The following LRP1B variants were observed in gnomAD, a reference collection of about 807,000 sequenced individuals.
LRP1B encodes the protein low-density lipoprotein receptor-related protein 1B.
In LRP1B, 217 loss-of-function variants were observed where a neutral mutation model predicts 556.6. That is an observed-to-expected ratio of 0.39 (90% CI 0.35 to 0.44). LRP1B has a LOEUF of 0.44. Ranked by LOEUF, LRP1B falls within the 20% of genes least tolerant of loss-of-function variation. LRP1B has a pLI of 1.00. For missense variants in LRP1B, 5,053 were observed against 5,620.8 expected (o/e 0.90, Z 3.23); for synonymous variants, 2,047 against 1,865.8 (o/e 1.10, Z -2.50).
chr2:140,874,981 G>T (rs1693260713), intron 25 of LRP1B, among the ~76,000 whole-genome samples: 1 of 150,952 alleles, frequency 6.6e-6, no homozygotes, highest in African/African-American at 2.4e-5. Context: ...TCGTGCCATT[G>T]CCCTATACCC....
intron 7 of LRP1B, among the ~76,000 whole-genome samples, chr2:141,089,304 C>G (rs1168369810): frequency 6.6e-6 from 1 of 152,166 alleles, no homozygotes; most frequent in Admixed American, 6.5e-5. Flanking sequence ...TATCAAATTC[C>G]ATTCCTTTTC....
At chr2:140,406,942 A>G (rs777715607) in intron 66 of LRP1B, among the ~76,000 whole-genome samples, 4 of 152,188 alleles carry the variant, frequency 2.6e-5, no homozygotes, top group Admixed American at 1.3e-4. Context: ...ACTTCAAATC[A>G]TATTGCAAGG....
chr2:140,944,154 A>G (rs969741115), intron 20 of LRP1B, among the ~76,000 whole-genome samples: 12 of 152,266 alleles, frequency 7.9e-5, no homozygotes, highest in Middle Eastern at 6.8e-3. Context: ...CTGTGTGTAC[A>G]AACTAGAAAA....
rs2105001160 is a variant in LRP1B at position 140,297,942 on chromosome 2, C to T, written c.12833G>A (p.Gly4278Asp). ...LGRPTCSCAL[G>D]FTGPNCGKTV... ...CTTACCACAGTTTGGCCCAGTGAAA[C>T]CCAGTGCACAGCTGCAGGTGGGTCT... The change falls in exon 84 of 91, where the codon GGT (glycine) becomes GAT (aspartate). Residue 4278 changes from glycine to aspartate, a missense_variant. Physicochemically the swap from Gly to Asp is moderately conservative, Grantham distance 94 (BLOSUM62 -1). Around this residue, in one of 5 missense-constraint regions of LRP1B, gnomAD observed 551 missense variants for 592.0 expected, o/e 0.93. Transcript: ENST00000389484. The T allele has an allele frequency of 6.2e-7, 1 of 1,612,898 alleles. No homozygotes were observed. The highest frequency in any genetic ancestry group is 8.5e-7 in the Non-Finnish European group (1 of 1,179,126).
chr2:141,632,190 C>T (rs1688939313), intron 2 of LRP1B, among the ~76,000 whole-genome samples: 1 of 152,042 alleles, frequency 6.6e-6, no homozygotes, highest in Non-Finnish European at 1.5e-5. Context: ...TCCCAAAGTG[C>T]TGGGGTAACA....
intron 1 of LRP1B, among the ~76,000 whole-genome samples, chr2:141,939,054 T>C (rs1700717274): frequency 6.6e-6 from 1 of 152,024 alleles, no homozygotes; most frequent in African/African-American, 2.4e-5. Flanking sequence ...ATAGAATGAT[T>C]AAGTCTAGAG....
rs868017126 is a variant in LRP1B at position 140,875,350 on chromosome 2, T to C, written c.4170-7087A>G. 6.6e-5 allele frequency among the ~76,000 whole-genome samples: 10 copies of C among 152,218 alleles called. 1 individual carries two copies. In the South Asian group the frequency reaches 8.3e-4, roughly 13 times the overall value. ...GGGTTTTCTTGAAGCATTAGTTAAC[T>C]ACTTAATAAAGGTTATAAAAGGCTT... On this transcript the variant is annotated intron_variant, in intron 25 of 90. Coordinates refer to ENST00000389484, the MANE Select transcript of LRP1B (RefSeq NM_018557.3).
chr2:141,519,402 T>TATA (rs1559118193), intron 2 of LRP1B, among the ~76,000 whole-genome samples: 1 of 29,876 alleles, frequency 3.3e-5, no homozygotes, highest in Non-Finnish European at 7.1e-5. Context: ...TATATATATA[T>TATA]GAAATGCAAT....
At chr2:141,902,871 A>T (rs1699659906) in intron 1 of LRP1B, among the ~76,000 whole-genome samples, 1 of 152,144 alleles carries the variant, frequency 6.6e-6, no homozygotes, top group South Asian at 2.1e-4. Context: ...AAAGAAAAAA[A>T]TATATTTTTA....
chr2:142,017,722 T>C lies in LRP1B; in HGVS notation c.82+112926A>G, dbSNP rs7581094. On this transcript the variant is annotated intron_variant, in intron 1 of 90. Transcript: ENST00000389484. ...TCAACACAGTGGGACCCTGTCTCTA[T>C]AAAAGTTTTAAAAACTTAGCCGGGC... Among the ~76,000 whole-genome samples the C allele has an allele frequency of 4.9e-3, 748 of 152,146 alleles. 5 individuals are homozygous for C. Among genetic ancestry groups the C allele is most frequent in the African/African-American group, 0.016 (668 of 41,516 alleles).
chr2:141,436,944 C>T (rs553820837), intron 3 of LRP1B, among the ~76,000 whole-genome samples: 3 of 152,116 alleles, frequency 2.0e-5, no homozygotes, highest in Non-Finnish European at 2.9e-5. Context: ...TATTGTGCTG[C>T]ATCACTGGCT....
At chr2:140,989,451 C>A (rs2105352376) in intron 17 of LRP1B, 81 bp downstream of exon 17, 1 of 1,514,944 alleles carries the variant, frequency 6.6e-7, no homozygotes, top group Non-Finnish European at 9.0e-7. Context: ...GAAAGTTCAG[C>A]TTAGTTCAAA....
Position 140,565,349 on chromosome 2 carries a change from T to C in LRP1B, c.7195-23378A>G, listed in dbSNP as rs1420358890. On this transcript the variant is annotated intron_variant, in intron 43 of 90. Transcript: ENST00000389484. Reference sequence around the variant, plus strand: ...CCACAGCATATTTTAACCCATGTAATAATAAAATGTTTGAAAATTAGGATT... The same window carrying C: ...CCACAGCATATTTTAACCCATGTAACAATAAAATGTTTGAAAATTAGGATT... Among the ~76,000 whole-genome samples the C allele has an allele frequency of 3.3e-5, 5 of 152,022 alleles. No individual in the cohort carries two copies. In the East Asian group the frequency reaches 7.7e-4, roughly 24 times the overall value.
At chr2:140,645,533 C>CTTTTTTTTTTTTTTTTT in intron 41 of LRP1B, among the ~76,000 whole-genome samples, 1 of 81,230 alleles carries the variant, frequency 1.2e-5, no homozygotes, top group Non-Finnish European at 2.2e-5. Flanking sequence ...TGCCAATATT[C>CTTTTTTTTTTTTTTTTT]TTTTTTTTTT....
chr2:141,048,962 T>C, intron 11 of LRP1B, 24 bp downstream of exon 11: 1 of 1,535,118 alleles, frequency 6.5e-7, no homozygotes, highest in Non-Finnish European at 9.0e-7. Context: ...GGTAGTTTGA[T>C]GTTAATGTCA....
intron 1 of LRP1B, among the ~76,000 whole-genome samples, chr2:142,076,311 G>C (rs1455756251): frequency 3.9e-5 from 6 of 151,970 alleles, no homozygotes; most frequent in Admixed American, 6.6e-5. Context: ...ACTTTCTGGA[G>C]GAAAATAACT....
chr2:141,229,390 C>T lies in LRP1B; in HGVS notation c.643G>A (p.Glu215Lys), dbSNP rs2105294294. ...TTACTTCCATTAAGATAGAAAACCT[C>T]AATTGTTTCAAAATTTGCAATTAAT... The part of the protein sequence containing the change: ...ILLIANFETI[E>K]VFYLNGSKMA... The change falls in exon 6 of 91, where the codon GAG becomes AAG. Residue 215 changes from glutamate (E) to lysine (K), a missense_variant. By Grantham distance (56) the Glu-to-Lys change is moderately conservative. Coordinates refer to ENST00000389484, the MANE Select transcript of LRP1B (RefSeq NM_018557.3). 1.2e-6 allele frequency: 2 copies of T among 1,606,452 alleles called. No homozygotes were observed. Among genetic ancestry groups the T allele is most frequent in the South Asian group, 1.1e-5 (1 of 90,616 alleles).
rs188115207 is a variant in LRP1B, at chr2:141,708,365, T to G, written c.205+101914A>C. Among the ~76,000 whole-genome samples, 619 of 152,230 alleles carry G rather than the reference T, an allele frequency of 4.1e-3. 4 individuals carry two copies. The highest frequency in any genetic ancestry group is 0.014 in the African/African-American group (586 of 41,564). On this transcript the variant is annotated intron_variant, in intron 2 of 90. Coordinates refer to ENST00000389484, the MANE Select transcript of LRP1B (RefSeq NM_018557.3). ...GCACCTCCTTCTTGCAGGCTACTTT[T>G]AACAGGGGTCAAATGAGCAGCAGAC...
At chr2:141,406,529 T>C (rs1208912350) in intron 3 of LRP1B, among the ~76,000 whole-genome samples, 1 of 150,246 alleles carries the variant, frequency 6.7e-6, no homozygotes, top group Non-Finnish European at 1.5e-5. Context: ...CAAATACAGG[T>C]GTAGAGTATC....
Sources: gnomAD v4.1 joint callset for allele counts (sites outside exome capture counted in the v4.1 genomes callset) on GRCh38, gnomAD v4.1.1 for gene constraint, gnomAD v4.1.1 regional missense constraint, MANE v1.5 for transcripts, NCBI Gene and HGNC (gene_info 2026-07-23, HGNC 2026-07-21) for gene names.